SNTB1: variants seen among roughly 807,000 people sequenced by gnomAD.
The protein encoded by SNTB1 is beta-1-syntrophin.
In SNTB1, 36 loss-of-function variants were observed where a neutral mutation model predicts 48.9. The ratio of observed to expected loss-of-function variants is 0.74; its 90% CI spans 0.56 to 0.97. The LOEUF is 0.97. SNTB1 is among the 50% of genes least tolerant of loss of function. The pLI is 0.00. For synonymous variants in SNTB1, 299 were observed against 294.6 expected, an observed-to-expected ratio of 1.01 and a Z score of -0.15; for missense variants, 786 against 703.4, an observed-to-expected ratio of 1.12 and a Z score of -1.33.
At chr8:120,791,991 A>G (rs13269664) in intron 1 of SNTB1, among the ~76,000 whole-genome samples, 10,273 of 151,904 alleles carry the variant, frequency 0.068, 513 homozygotes, top group African/African-American at 0.14. Context: ...TGACACCTGC[A>G]TGGGTATGTT....
rs755503856 is a variant in SNTB1 at position 120,632,640 on chromosome 8, A to T, written c.800T>A (p.Ile267Asn). The T allele has an allele frequency of 3.1e-6, 5 of 1,613,962 alleles. No homozygotes were observed. Among genetic ancestry groups the T allele is most frequent in the Non-Finnish European group, 2.5e-6 (3 of 1,180,000 alleles). The change falls in exon 3 of 7, where the codon ATC becomes AAC. Residue 267 changes from isoleucine (I) to asparagine (N), a missense_variant. By Grantham distance (149) the Ile-to-Asn change is moderately radical. Coordinates refer to ENST00000517992, the MANE Select transcript of SNTB1 (RefSeq NM_021021.4). ...LADPENRQLE[I>N]HSPDAKHTVI... is the part of the protein sequence containing the mutation. ...CGTGTGCTTAGCATCTGGAGAGTGG[A>T]TTTCAAGCTGCCTAGAGGAGCACAG... is the stretch of plus-strand genomic sequence containing the variant.
intron 1 of SNTB1, among the ~76,000 whole-genome samples, chr8:120,731,622 T>C (rs929659266): frequency 5.9e-5 from 9 of 152,148 alleles, no homozygotes; most frequent in African/African-American, 2.2e-4. Context: ...GAAAACATCT[T>C]GGTGATCATG....
intron 2 of SNTB1, among the ~76,000 whole-genome samples, chr8:120,650,134 C>A (rs866140795): frequency 6.6e-6 from 1 of 152,230 alleles, no homozygotes; most frequent in Admixed American, 6.5e-5. Context: ...TCTTCTGCAT[C>A]GCTCACGCTG....
intron 4 of SNTB1, among the ~76,000 whole-genome samples, chr8:120,554,309 A>T (rs891753217): frequency 2.6e-5 from 4 of 152,122 alleles, no homozygotes; most frequent in Non-Finnish European, 4.4e-5. Flanking sequence ...AGCTGCTGGG[A>T]CAGGCTCCGT....
At chr8:120,603,459 G>T (rs767969673) in intron 3 of SNTB1, among the ~76,000 whole-genome samples, 17 of 151,874 alleles carry the variant, frequency 1.1e-4, no homozygotes, top group Non-Finnish European at 2.1e-4. Flanking sequence ...TTCTTTTTTT[G>T]ACAAGAATTG....
chr8:120,705,585 T>G (rs796416316), intron 1 of SNTB1, among the ~76,000 whole-genome samples: 13 of 152,316 alleles, frequency 8.5e-5, no homozygotes, highest in African/African-American at 3.1e-4. Context: ...GGATGAGCTA[T>G]CTCCCAGTCA....
intron 1 of SNTB1, among the ~76,000 whole-genome samples, chr8:120,716,433 C>G (rs7014354): frequency 6.6e-6 from 1 of 152,274 alleles, no homozygotes; most frequent in East Asian, 1.9e-4. Flanking sequence ...CCTTAGCCAA[C>G]ATTCTAGGCA....
At chr8:120,644,170 T>TC (rs1324462601) in intron 2 of SNTB1, among the ~76,000 whole-genome samples, 1 of 151,866 alleles carries the variant, frequency 6.6e-6, no homozygotes, top group East Asian at 1.9e-4. Flanking sequence ...TCTTTTTTTT[T>TC]TTTAATTATA....
At chr8:120,621,974 T>C (rs1563833932) in intron 3 of SNTB1, among the ~76,000 whole-genome samples, 1 of 152,238 alleles carries the variant, frequency 6.6e-6, no homozygotes, top group Non-Finnish European at 1.5e-5. Context: ...GGAATCATTT[T>C]CTGGCTAACA....
intron 1 of SNTB1, among the ~76,000 whole-genome samples, chr8:120,771,052 G>A (rs984027695): frequency 1.3e-5 from 2 of 152,190 alleles, no homozygotes; most frequent in Admixed American, 6.5e-5. Flanking sequence ...TCACTCAATG[G>A]AAGGGTAAAA....
intron 1 of SNTB1, among the ~76,000 whole-genome samples, chr8:120,757,658 A>T (rs541937756): frequency 6.6e-6 from 1 of 152,302 alleles, no homozygotes; most frequent in South Asian, 2.1e-4. Context: ...TGTCAGCTTA[A>T]CAAGTCTTCC....
intron 4 of SNTB1, chr8:120,571,412 A>C: frequency 9.7e-5 from 105 of 1,085,150 alleles, no homozygotes; most frequent in Non-Finnish European, 1.2e-4. Flanking sequence ...CCGAATTCTC[A>C]TGGACCCCAA....
chr8:120,785,233 C>T (rs184012741), intron 1 of SNTB1, among the ~76,000 whole-genome samples: 195 of 152,288 alleles, frequency 1.3e-3, no homozygotes, highest in African/African-American at 4.5e-3. Context: ...AAGTGTGCTA[C>T]AGCCATGGGC....
chr8:120,641,942 A>T (rs967112743), intron 2 of SNTB1, among the ~76,000 whole-genome samples: 1 of 150,808 alleles, frequency 6.6e-6, no homozygotes, highest in Non-Finnish European at 1.5e-5. Flanking sequence ...TCTGAGGCAA[A>T]GTTGAAATAC....
At chr8:120,642,063 G>A (rs1223068475) in intron 2 of SNTB1, among the ~76,000 whole-genome samples, 3 of 152,122 alleles carry the variant, frequency 2.0e-5, no homozygotes, top group Non-Finnish European at 4.4e-5. Context: ...GAACTCTGGG[G>A]GTGGGGTCCA....
At chr8:120,670,036 G>T (rs1047388423) in intron 2 of SNTB1, among the ~76,000 whole-genome samples, 2 of 152,176 alleles carry the variant, frequency 1.3e-5, no homozygotes, top group African/African-American at 2.4e-5. Context: ...TCATAAAAAT[G>T]TATCATGTCC....
At position 120,541,111 on chromosome 8, in the gene SNTB1, C is replaced by T. The variant is rs2130641981; in HGVS notation, c.1524+699G>A. On this transcript the variant is annotated intron_variant, in intron 6 of 6. Transcript: ENST00000517992. ...CTAGAGAGCATAAGAATGTGCAATTCTCACCCTTCTGTGCAAGTGAAGTCA... is the reference window on the plus strand; with the variant it reads ...CTAGAGAGCATAAGAATGTGCAATTTTCACCCTTCTGTGCAAGTGAAGTCA... 2 of 152,280 alleles carry T rather than the reference C, an allele frequency of 1.3e-5. 1 individual carries two copies. Among genetic ancestry groups the T allele is most frequent in the South Asian group, 4.1e-4 (2 of 4,824 alleles). The allele number at this position is 152,280 out of a possible 1,614,324, so 9.4% of individuals were successfully genotyped here.
intron 1 of SNTB1, among the ~76,000 whole-genome samples, chr8:120,797,799 A>G (rs1820147001): frequency 6.6e-6 from 1 of 152,006 alleles, no homozygotes; most frequent in South Asian, 2.1e-4. Flanking sequence ...CCTCAGCCCT[A>G]TAAAGAAAGC....
At chr8:120,552,670 A>C (rs956579892) in intron 4 of SNTB1, among the ~76,000 whole-genome samples, 1 of 152,160 alleles carries the variant, frequency 6.6e-6, no homozygotes, top group South Asian at 2.1e-4. Context: ...CAGCAGTGCC[A>C]ATCTTTTTGG....
Sources: allele counts gnomAD v4.1 joint callset (sites outside exome capture counted in the v4.1 genomes callset), GRCh38; gene constraint gnomAD v4.1.1; transcripts MANE v1.5; gene names NCBI Gene and HGNC (gene_info 2026-07-23, HGNC 2026-07-21).